The following RDX variants were observed in gnomAD, a reference collection of about 807,000 sequenced individuals.
The protein encoded by RDX is deafness, autosomal recessive 24.
Under a neutral mutation model 83.7 loss-of-function variants are expected in RDX, and 32 were observed. That is an observed-to-expected ratio of 0.38 (90% CI 0.29 to 0.51). The LOEUF (loss-of-function observed/expected upper bound fraction) is 0.51, where lower values mean the gene tolerates loss of function less well. Ranked by LOEUF, RDX falls within the 20% of genes least tolerant of loss-of-function variation. The pLI is 0.87. For synonymous variants in RDX, 229 were observed against 222.7 expected, an observed-to-expected ratio of 1.03 and a Z score of -0.25; for missense variants, 600 against 689.9, an observed-to-expected ratio of 0.87 and a Z score of 1.46.
At chr11:110,188,388 T>G (rs1863030620) in intron 15 of RDX, among the ~76,000 whole-genome samples, 1 of 151,826 alleles carries the variant, frequency 6.6e-6, no homozygotes, top group Admixed American at 6.6e-5. Context: ...GACCATTATT[T>G]TAAGTGAAAT....
exon 16 of RDX, chr11:110,175,071 G>C (rs1160005608): frequency 1.3e-5 from 2 of 152,178 alleles, no homozygotes; most frequent in Middle Eastern, 3.2e-3. Context: ...TGTGGTGATG[G>C]GCTTGGGTTG....
intron 1 of RDX, chr11:110,288,519 AAC>A (rs1385807928): frequency 3.0e-4 from 45 of 152,352 alleles, no homozygotes; most frequent in African/African-American, 2.4e-5. Context: ...GAAAGAAGCA[AAC>A]ACAAAATAAT....
rs563266107 is a variant in RDX, at chr11:110,240,955, C to T, written c.1091-3303G>A. ...CCTGTAACCTCAGCTACTCAGGAGGCTGAGGCAGGAGAATCACTTAAACCC... is the reference window on the plus strand; with the variant it reads ...CCTGTAACCTCAGCTACTCAGGAGGTTGAGGCAGGAGAATCACTTAAACCC... On this transcript the variant is annotated intron_variant, in intron 10 of 13. Transcript: ENST00000645495. 1.9e-4 allele frequency among the ~76,000 whole-genome samples: 27 copies of T among 145,732 alleles called. 1 individual carries two copies. The South Asian group carries it at 4.5e-3, about 24-fold the overall frequency.
intron 15 of RDX, among the ~76,000 whole-genome samples, chr11:110,175,978 G>A (rs1862764415): frequency 6.6e-6 from 1 of 152,188 alleles, no homozygotes; most frequent in Admixed American, 6.5e-5. Flanking sequence ...ATTGAAGGGA[G>A]GTGGGAAGCA....
chr11:110,177,253 T>C (rs1314713882), intron 15 of RDX, among the ~76,000 whole-genome samples: 1 of 152,218 alleles, frequency 6.6e-6, no homozygotes, highest in East Asian at 1.9e-4. Context: ...CAGTGCGAAC[T>C]CCTGTGGGAA....
intron 14 of RDX, among the ~76,000 whole-genome samples, chr11:110,201,629 G>T (rs539824367): frequency 3.2e-4 from 49 of 152,300 alleles, no homozygotes; most frequent in African/African-American, 1.2e-3. Flanking sequence ...CAACACAGGA[G>T]GCTCAGGATT....
At chr11:110,255,556 TC>T (rs1490242970) in intron 7 of RDX, among the ~76,000 whole-genome samples, 171 bp from the exon 8 acceptor site, 1 of 152,268 alleles carries the variant, frequency 6.6e-6, no homozygotes, top group East Asian at 1.9e-4. Context: ...AACTGATAAA[TC>T]ATATAAAACA....
At chr11:110,283,797 GGTTATAA>G (rs1860865299) in intron 1 of RDX, among the ~76,000 whole-genome samples, 2 of 151,792 alleles carry the variant, frequency 1.3e-5, no homozygotes, top group South Asian at 2.1e-4. Context: ...AAGATATATA[GGTTATAA>G]TAAAAACAGA....
At chr11:110,216,376 A>G (rs535436806) in intron 14 of RDX, among the ~76,000 whole-genome samples, 1 of 148,458 alleles carries the variant, frequency 6.7e-6, no homozygotes, top group African/African-American at 2.6e-5. Flanking sequence ...AACTTTTTCT[A>G]ATTTTTTTTT....
chr11:110,195,128 T>A (rs569354799), intron 15 of RDX, among the ~76,000 whole-genome samples: 1 of 152,168 alleles, frequency 6.6e-6, no homozygotes, highest in African/African-American at 2.4e-5. Flanking sequence ...GTAGCTGGGA[T>A]TACAGGCACA....
At chr11:110,260,670 A>G (rs1314003377) in intron 5 of RDX, among the ~76,000 whole-genome samples, 5 of 152,168 alleles carry the variant, frequency 3.3e-5, no homozygotes, top group Non-Finnish European at 1.5e-5. Flanking sequence ...GTCCCTCCAT[A>G]TCCATAAAGG....
At chr11:110,296,348 A>G (rs1035520926) in intron 1 of RDX, 119 bp downstream of exon 1, 3 of 149,874 alleles carry the variant, frequency 2.0e-5, no homozygotes, top group African/African-American at 7.3e-5. Flanking sequence ...AGGCGCGCCA[A>G]GCCCTGGCGG....
intron 10 of RDX, among the ~76,000 whole-genome samples, chr11:110,242,828 A>C (rs1865153419): frequency 6.6e-6 from 1 of 151,810 alleles, no homozygotes; most frequent in South Asian, 2.1e-4. Flanking sequence ...TACAGGAGTT[A>C]GCAAACTATG....
intron 1 of RDX, among the ~76,000 whole-genome samples, chr11:110,280,586 G>T (rs768350705): frequency 9.9e-5 from 15 of 152,194 alleles, no homozygotes; most frequent in Non-Finnish European, 1.9e-4. Flanking sequence ...TATGAATGGA[G>T]AAAAATATGA....
At chr11:110,254,632 C>T (rs1177468791) in intron 8 of RDX, among the ~76,000 whole-genome samples, 1 of 151,990 alleles carries the variant, frequency 6.6e-6, no homozygotes, top group Admixed American at 6.6e-5. Context: ...TGCACCACCA[C>T]ATCTGACTAA....
intron 14 of RDX, among the ~76,000 whole-genome samples, chr11:110,216,660 G>C (rs1368792805): frequency 6.6e-6 from 1 of 150,452 alleles, no homozygotes; most frequent in Middle Eastern, 3.4e-3. Flanking sequence ...TCACAAGTGT[G>C]AGCCACCACA....
intron 3 of RDX, among the ~76,000 whole-genome samples, chr11:110,272,150 T>A (rs1173848304): frequency 6.6e-6 from 1 of 152,192 alleles, no homozygotes; most frequent in Non-Finnish European, 1.5e-5. Flanking sequence ...CCCAAGCATT[T>A]TGGATAAGAG....
chr11:110,258,827 T>C (rs1859668067), intron 5 of RDX, among the ~76,000 whole-genome samples: 1 of 151,430 alleles, frequency 6.6e-6, no homozygotes, highest in South Asian at 2.1e-4. Flanking sequence ...TGTTTTTGTA[T>C]CCTTCCAGTG....
chr11:110,182,216 G>A (rs1862901812), intron 15 of RDX, among the ~76,000 whole-genome samples: 1 of 152,256 alleles, frequency 6.6e-6, no homozygotes, highest in African/African-American at 2.4e-5. Context: ...ACGCGGAAGA[G>A]GTGGAGCTCC....
Sources: gnomAD v4.1 joint callset for allele counts (sites outside exome capture counted in the v4.1 genomes callset) on GRCh38, gnomAD v4.1.1 for gene constraint, MANE v1.5 for transcripts, NCBI Gene and HGNC (gene_info 2026-07-23, HGNC 2026-07-21) for gene names.